The following ANKRD13A variants were observed in gnomAD, a reference collection of about 807,000 sequenced individuals.
The protein encoded by ANKRD13A is ankyrin repeat domain 13A.
A neutral mutation model predicts 81.3 loss-of-function variants in ANKRD13A; 48 were observed. The observed-to-expected ratio is 0.59, with a 90% CI of 0.47 to 0.75. ANKRD13A has a LOEUF of 0.75. Ranked by LOEUF, ANKRD13A falls within the 30% of genes least tolerant of loss-of-function variation. The pLI is 0.00. For missense variants in ANKRD13A, 612 were observed against 734.0 expected, an observed-to-expected ratio of 0.83 and a Z score of 1.92; for synonymous variants, 230 against 270.1, an observed-to-expected ratio of 0.85 and a Z score of 1.45.
Position 110,015,983 on chromosome 12 carries a change from G to A in ANKRD13A, c.355-405G>A, listed in dbSNP as rs111428999. Among the ~76,000 whole-genome samples the A allele has an allele frequency of 2.9e-3, 399 of 135,586 alleles. 2 individuals carry two copies. Among genetic ancestry groups the A allele is most frequent in the African/African-American group, 0.011 (376 of 35,428 alleles). 88.9% of individuals were successfully genotyped at this position (135,586 alleles called of 152,430 possible). ...TTTTTTTTTTTCCATACAGTATCTCGCTCTGTTGCCCAGGCTGGAGTGCAG... is the reference window on the plus strand; with the variant it reads ...TTTTTTTTTTTCCATACAGTATCTCACTCTGTTGCCCAGGCTGGAGTGCAG... On this transcript the variant is annotated intron_variant, in intron 3 of 14. Transcript: ENST00000261739.
chr12:110,032,740 C>T (rs941064826), intron 12 of ANKRD13A: 3 of 152,166 alleles, frequency 2.0e-5, no homozygotes, highest in African/African-American at 7.2e-5. Flanking sequence ...TCTATTAATA[C>T]AACAGAATAA....
At chr12:110,023,961 G>T in intron 6 of ANKRD13A, 85 bp from the exon 7 acceptor site, 1 of 1,365,478 alleles carries the variant, frequency 7.3e-7, no homozygotes, top group Non-Finnish European at 1.0e-6. Flanking sequence ...TTAAGCTGGG[G>T]GGGAAAAAAA....
rs199700471 is a variant in ANKRD13A, at chr12:110,033,852, T to C, written c.1404T>C (p.Ser468=). Residue 468 remains serine (S), a synonymous_variant, in exon 13 of 15, where the codon TCT becomes TCC. Transcript: ENST00000261739. The part of the protein sequence containing the change: ...VDQSVFEIPE[S]YYVQDNGRNV... Reference sequence around the variant, plus strand: ...AATCTGTGTTTGAAATTCCCGAATCTTACTATGTTCAAGACAATGGCAGAA... The same window carrying C: ...AATCTGTGTTTGAAATTCCCGAATCCTACTATGTTCAAGACAATGGCAGAA... The C allele has an allele frequency of 1.9e-5, 30 of 1,611,726 alleles. No individual in the cohort carries two copies. Among genetic ancestry groups the C allele is most frequent in the Non-Finnish European group, 2.4e-5 (28 of 1,179,060 alleles).
At chr12:110,033,452 T>C (rs1891829730) in intron 12 of ANKRD13A, among the ~76,000 whole-genome samples, 1 of 152,228 alleles carries the variant, frequency 6.6e-6, no homozygotes, top group African/African-American at 2.4e-5. Flanking sequence ...AGATATTTTA[T>C]ATATACTTTT....
rs1890539073 is a variant in ANKRD13A, at chr12:110,011,863, C to A, written c.97-142C>A. 5 of 741,814 alleles carry A rather than the reference C, an allele frequency of 6.7e-6. 1 individual carries two copies. The highest frequency in any genetic ancestry group is 6.1e-5 in the Admixed American group (2 of 32,810). 46.0% of individuals were successfully genotyped at this position (741,814 alleles called of 1,614,324 possible). ...TTCATATTTTAACTGTGCCCAAATG[C>A]AAACATACCTTCTTACATGTGTTGC... On this transcript the variant is annotated intron_variant, in intron 1 of 14. Coordinates refer to ENST00000261739, the MANE Select transcript of ANKRD13A (RefSeq NM_033121.2).
intron 1 of ANKRD13A, among the ~76,000 whole-genome samples, chr12:110,010,094 T>C (rs1890436971): frequency 6.6e-6 from 1 of 152,184 alleles, no homozygotes; most frequent in Non-Finnish European, 1.5e-5. Flanking sequence ...CTCGAACTCC[T>C]GACCTCAGGT....
In ANKRD13A at chr12:110,018,600, C is replaced by A; in HGVS notation, c.544+112C>A. ...CTTTTCTGTCTGATCCTTCCTAGGG[C>A]ATGTTTTTTTGGTTATTCTTATTAA... On this transcript the variant is annotated intron_variant, in intron 5 of 14. Coordinates refer to ENST00000261739, the MANE Select transcript of ANKRD13A (RefSeq NM_033121.2). This position sits in a 1 kb window ranked among gnomAD's most constrained non-coding sequence, Gnocchi z 4.4. 1 of 1,303,596 alleles carries A rather than the reference C, an allele frequency of 7.7e-7. No homozygotes were observed. Among genetic ancestry groups the A allele is most frequent in the South Asian group, 1.5e-5 (1 of 66,782 alleles). 80.8% of individuals were successfully genotyped at this position (1,303,596 alleles called of 1,614,324 possible). A position where few individuals can be genotyped will look rare whatever the true frequency, so the allele number is the denominator to read the frequency against.
intron 11 of ANKRD13A, 47 bp downstream of exon 11, chr12:110,029,682 T>TTGTGGGTGGCAGCA (rs745388390): frequency 4.4e-6 from 7 of 1,596,250 alleles, no homozygotes; most frequent in African/African-American, 1.3e-5. Flanking sequence ...CTGCCCATGT[T>TTGTGGGTGGCAGCA]TGTGGGTGGC....
intron 8 of ANKRD13A, 196 bp from the exon 9 acceptor site, chr12:110,027,509 C>G (rs1732302888): frequency 7.0e-6 from 4 of 570,140 alleles, no homozygotes; most frequent in South Asian, 4.2e-5. Context: ...AACTGTTTAT[C>G]TAGTTTAGAG....
chr12:110,014,701 C>T (rs1890698999), intron 3 of ANKRD13A, among the ~76,000 whole-genome samples: 1 of 152,142 alleles, frequency 6.6e-6, no homozygotes, highest in East Asian at 1.9e-4. Context: ...TCTTGGCCCT[C>T]CTGCCCTGTT....
At chr12:110,024,864 C>A (rs1471779101) in intron 7 of ANKRD13A, among the ~76,000 whole-genome samples, 1 of 152,238 alleles carries the variant, frequency 6.6e-6, no homozygotes, top group African/African-American at 2.4e-5. Context: ...ATTTTCTAGA[C>A]CACCATATTC....
chr12:110,036,932 A>G lies in ANKRD13A; in HGVS notation c.1578-427A>G, dbSNP rs971737639. On this transcript the variant is annotated intron_variant, in intron 14 of 14. Coordinates refer to ENST00000261739, the MANE Select transcript of ANKRD13A (RefSeq NM_033121.2). This position sits in a 1 kb window ranked among gnomAD's most constrained non-coding sequence, Gnocchi z 4.6. The stretch of plus-strand genomic sequence containing the variant: ...TTTTTTCTGATTGGTTTGATCTTCT[A>G]TGAATGATGTATGATCACAGGGCCT... Among the ~76,000 whole-genome samples the G allele has an allele frequency of 2.0e-5, 3 of 152,180 alleles. No homozygotes were observed. Among genetic ancestry groups the G allele is most frequent in the African/African-American group, 4.8e-5 (2 of 41,446 alleles).
rs1181785624 is a variant in ANKRD13A at position 110,018,783 on chromosome 12, T to C, written c.544+295T>C. ...TGTATCTCTGTATAACCCTCCATAATCAGGCATGAGAAATGGCATTGCTCA... is the reference window on the plus strand; with the variant it reads ...TGTATCTCTGTATAACCCTCCATAACCAGGCATGAGAAATGGCATTGCTCA... On this transcript the variant is annotated intron_variant, in intron 5 of 14. Transcript: ENST00000261739. The surrounding 1 kb of genome is among the most constrained non-coding windows in gnomAD (Gnocchi z 4.4). 2.0e-5 allele frequency among the ~76,000 whole-genome samples: 3 copies of C among 152,156 alleles called. No individual in the cohort carries two copies. The highest frequency in any genetic ancestry group is 2.0e-4 in the Admixed American group (3 of 15,284).
intron 1 of ANKRD13A, among the ~76,000 whole-genome samples, chr12:110,006,617 A>T (rs1472243874): frequency 5.3e-5 from 8 of 150,022 alleles, no homozygotes; most frequent in Non-Finnish European, 8.9e-5. Flanking sequence ...TTTTTTTGAG[A>T]TGGAGTTTCG....
At chr12:110,005,347 GTT>G (rs2137080724) in intron 1 of ANKRD13A, among the ~76,000 whole-genome samples, 1 of 152,198 alleles carries the variant, frequency 6.6e-6, no homozygotes, top group South Asian at 2.1e-4. Context: ...GTGTCCCTAT[GTT>G]GCCCAGACTG....
At chr12:110,028,726 C>G in intron 10 of ANKRD13A, 84 bp downstream of exon 10, 2 of 1,557,416 alleles carry the variant, frequency 1.3e-6, no homozygotes, top group Non-Finnish European at 8.8e-7. Flanking sequence ...GATCATTCCA[C>G]TGCCCTCCCC....
intron 13 of ANKRD13A, among the ~76,000 whole-genome samples, chr12:110,035,000 T>C (rs905007351): frequency 9.9e-5 from 15 of 152,138 alleles, no homozygotes; most frequent in South Asian, 4.1e-4. Context: ...TCCTGAGTCT[T>C]AGTGCTTGTG....
chr12:110,002,455 A>T lies in ANKRD13A; in HGVS notation c.96+2671A>T, dbSNP rs558999305. 3.3e-5 allele frequency among the ~76,000 whole-genome samples: 5 copies of T among 152,220 alleles called. No individual in the cohort carries two copies. The East Asian group carries it at 9.7e-4, about 29-fold the overall frequency. The stretch of plus-strand genomic sequence containing the variant: ...AACACGGTGAAACCCCGTCTCTACT[A>T]AAAATACAAAAATAGCTGGATGTGG... On this transcript the variant is annotated intron_variant, in intron 1 of 14. Coordinates refer to ENST00000261739, the MANE Select transcript of ANKRD13A (RefSeq NM_033121.2).
At chr12:110,013,103 A>G in intron 2 of ANKRD13A, 22 bp from the exon 3 acceptor site, 1 of 1,612,556 alleles carries the variant, frequency 6.2e-7, no homozygotes, top group East Asian at 2.2e-5. Context: ...TGAGAATTAA[A>G]TTTCACCCTT....
Sources: allele counts gnomAD v4.1 joint callset (sites outside exome capture counted in the v4.1 genomes callset), GRCh38; gene constraint gnomAD v4.1.1; non-coding constraint Gnocchi (gnomAD v3.1); transcripts MANE v1.5; gene names NCBI Gene and HGNC (gene_info 2026-07-23, HGNC 2026-07-21).